Variants in TSBP1 observed in about 807,000 individuals in gnomAD.
TSBP1 encodes testis-expressed basic protein 1.
In TSBP1, 56 loss-of-function variants were observed where a neutral mutation model predicts 68.8. The observed-to-expected ratio is 0.81, with a 90% CI of 0.66 to 1.02. The LOEUF is 1.02. Among genes scored for constraint, TSBP1 ranks in the 50% least tolerant of loss-of-function variants. The pLI is 0.00. For missense variants in TSBP1, 502 were observed against 641.2 expected, an observed-to-expected ratio of 0.78 and a Z score of 2.34; for synonymous variants, 171 against 208.7, an observed-to-expected ratio of 0.82 and a Z score of 1.56.
At chr6:32,355,244 T>TAA in intron 7 of TSBP1, 100 bp from the exon 8 acceptor site, 2 of 1,240,708 alleles carry the variant, frequency 1.6e-6, no homozygotes, top group Non-Finnish European at 2.4e-6. Context: ...TCTCAGGAGT[T>TAA]AAAGTCTAGG....
intron 22 of TSBP1, among the ~76,000 whole-genome samples, chr6:32,298,114 G>A (rs1419968160): frequency 1.3e-5 from 2 of 151,962 alleles, no homozygotes; most frequent in African/African-American, 4.8e-5. Context: ...GTTCTTCTGA[G>A]TCAAGTTGAC....
Position 32,318,560 on chromosome 6 carries a change from G to C in TSBP1, c.560-2768C>G, listed in dbSNP as rs150400437. On this transcript the variant is annotated intron_variant, in intron 18 of 22. Transcript: ENST00000612031. ...CAAAGACATAATGAAATATTATTTG[G>C]CCATAAAAAGAACTGAAGTACTGCT... Among the ~76,000 whole-genome samples the C allele has an allele frequency of 6.7e-3, 1,015 of 152,208 alleles. 17 individuals carry two copies. Among genetic ancestry groups the C allele is most frequent in the East Asian group, 0.02 (103 of 5,186 alleles).
At chr6:32,351,834 C>G (rs1771749597) in intron 8 of TSBP1, among the ~76,000 whole-genome samples, 1 of 151,716 alleles carries the variant, frequency 6.6e-6, no homozygotes, top group South Asian at 2.1e-4. Flanking sequence ...AATCTCACAC[C>G]TATAAACATT....
chr6:32,302,308 A>G lies in TSBP1; in HGVS notation c.601+301T>C, dbSNP rs1765389590. On this transcript the variant is annotated intron_variant, in intron 20 of 22. Transcript: ENST00000612031. The surrounding 1 kb of genome is among the most constrained non-coding windows in gnomAD (Gnocchi z 5.1). ...TTTCTACAAAAAATAAAAAAAAGTT[A>G]GCCAAGCATGGTGGCACACATCTGT... Among the ~76,000 whole-genome samples the G allele has an allele frequency of 6.6e-6, 1 of 152,060 alleles. No individual in the cohort carries two copies. Among genetic ancestry groups the G allele is most frequent in the Admixed American group, 6.6e-5 (1 of 15,262 alleles).
intron 16 of TSBP1, chr6:32,324,789 T>A: frequency 6.9e-7 from 1 of 1,457,614 alleles, no homozygotes; most frequent in Non-Finnish European, 9.2e-7. Flanking sequence ...GAACATTTTT[T>A]TTTTTAATCA....
At chr6:32,300,696 G>A (rs1272492000) in exon 21 of TSBP1, 2 of 1,612,406 alleles carry the variant, frequency 1.2e-6, no homozygotes, top group Non-Finnish European at 1.7e-6. Flanking sequence ...TTCCAGAACT[G>A]TCCACTGAAA....
At position 32,357,151 on chromosome 6, in the gene TSBP1, G is replaced by C. The variant is rs1772445153; in HGVS notation, c.218-1482C>G. Among the ~76,000 whole-genome samples, 1 of 152,116 alleles carries C rather than the reference G, an allele frequency of 6.6e-6. No homozygotes were observed. The highest frequency in any genetic ancestry group is 6.5e-5 in the Admixed American group (1 of 15,270). On this transcript the variant is annotated intron_variant, in intron 6 of 22. Coordinates refer to ENST00000612031, the Ensembl canonical transcript of TSBP1. The surrounding 1 kb of genome is among the most constrained non-coding windows in gnomAD (Gnocchi z 4.7). ...ACTGAGATTTATAGGTTATGTTAGGGGGACTGGAAAGTCAGAGAAATAGTC... is the reference window on the plus strand; with the variant it reads ...ACTGAGATTTATAGGTTATGTTAGGCGGACTGGAAAGTCAGAGAAATAGTC...
intron 9 of TSBP1, among the ~76,000 whole-genome samples, chr6:32,344,291 C>A (rs1342404516): frequency 9.2e-6 from 1 of 108,712 alleles, no homozygotes; most frequent in Non-Finnish European, 1.7e-5. Flanking sequence ...CCACAACAGT[C>A]GATCAATGAC....
Position 32,316,943 on chromosome 6 carries a change from T to C in TSBP1, c.560-1151A>G, listed in dbSNP as rs1005232088. On this transcript the variant is annotated intron_variant, in intron 18 of 22. Transcript: ENST00000612031. The surrounding 1 kb of genome is among the most constrained non-coding windows in gnomAD (Gnocchi z 4.5). ...GATGTTCTAAAAATACAAAAAAATTTCTCCTCCCTATTCTGAGTCAGTGTG... is the reference window on the plus strand; with the variant it reads ...GATGTTCTAAAAATACAAAAAAATTCCTCCTCCCTATTCTGAGTCAGTGTG... Among the ~76,000 whole-genome samples the C allele has an allele frequency of 6.6e-6, 1 of 152,056 alleles. No homozygotes were observed. The highest frequency in any genetic ancestry group is 1.5e-5 in the Non-Finnish European group (1 of 68,004).
In TSBP1 at chr6:32,347,975, T is replaced by C. The variant is rs139055148; in HGVS notation, c.349+1765A>G. ...TACTTCTTGGTCTTGCTCTATCATA[T>C]TATCTTAATTTGTTTTCTCCGTAGA... On this transcript the variant is annotated intron_variant, in intron 9 of 22. Transcript: ENST00000612031. 1.1e-3 allele frequency among the ~76,000 whole-genome samples: 172 copies of C among 152,366 alleles called. 1 individual carries two copies. The highest frequency in any genetic ancestry group is 1.9e-3 in the Non-Finnish European group (130 of 68,038).
intron 6 of TSBP1, among the ~76,000 whole-genome samples, chr6:32,362,387 C>G (rs9268327): frequency 0.34 from 51,016 of 151,898 alleles, 9,612 homozygotes; most frequent in Middle Eastern, 0.52. Flanking sequence ...GCAGAGAGTC[C>G]CCAGTAGCAA....
chr6:32,362,299 A>AAAAAAG lies in TSBP1; in HGVS notation c.217+3867_217+3868insCTTTTT, dbSNP rs1224669308. ...GCCAGACTCCGTCTCAAAAAAAAAA[A>AAAAAAG]AAAAAAGAAGAGGAACGACCTAAGC... On this transcript the variant is annotated intron_variant, in intron 6 of 22. Transcript: ENST00000612031. 4.8e-3 allele frequency among the ~76,000 whole-genome samples: 724 copies of AAAAAAG among 150,938 alleles called. 10 individuals carry two copies. The Middle Eastern group carries it at 0.056, about 12-fold the overall frequency.
Position 32,367,911 on chromosome 6 carries a change from C to G in TSBP1, c.166+14G>C. On this transcript the variant is annotated intron_variant, in intron 4 of 22. Coordinates refer to ENST00000612031, the Ensembl canonical transcript of TSBP1. The stretch of plus-strand genomic sequence containing the variant: ...TTCCTTCATTAACTGTCTAGTAGTT[C>G]CTAATCTATTTACCTCTACCATCCT... The G allele has an allele frequency of 6.3e-7, 1 of 1,594,066 alleles. No homozygotes were observed. The highest frequency in any genetic ancestry group is 8.6e-7 in the Non-Finnish European group (1 of 1,163,384).
chr6:32,369,985 T>C lies in TSBP1; in HGVS notation c.14-2A>G. On this transcript the variant is annotated splice_acceptor_variant, in intron 1 of 22. Transcript: ENST00000612031. LOFTEE classifies it high-confidence loss of function. The stretch of plus-strand genomic sequence containing the variant: ...TCAGGATGACAGCCAAAGTTATTTC[T>C]GAAAACAAAAACTCACCTGTAAACA... 1 of 1,607,384 alleles carries C rather than the reference T, an allele frequency of 6.2e-7. No homozygotes were observed. The highest frequency in any genetic ancestry group is 8.5e-7 in the Non-Finnish European group (1 of 1,174,858).
In TSBP1 at chr6:32,302,329, T is replaced by A. The variant is rs1765392979; in HGVS notation, c.601+280A>T. ...AGTTAGCCAAGCATGGTGGCACACATCTGTAGTCCCAGCTACTCAGGAGGC... is the reference window on the plus strand; with the variant it reads ...AGTTAGCCAAGCATGGTGGCACACAACTGTAGTCCCAGCTACTCAGGAGGC... On this transcript the variant is annotated intron_variant, in intron 20 of 22. Transcript: ENST00000612031. The surrounding 1 kb of genome is among the most constrained non-coding windows in gnomAD (Gnocchi z 5.1). Among the ~76,000 whole-genome samples the A allele has an allele frequency of 6.6e-6, 1 of 151,842 alleles. No individual in the cohort carries two copies.
In TSBP1 at chr6:32,325,626, T is replaced by C. The variant is rs746949536; in HGVS notation, c.515-2012A>G. ...GGAAAAATTGAAGTGATTGAAAACATGACTGACCGAGGCAGTTGCAAGAAA... is the reference window on the plus strand; with the variant it reads ...GGAAAAATTGAAGTGATTGAAAACACGACTGACCGAGGCAGTTGCAAGAAA... On this transcript the variant is annotated intron_variant, in intron 16 of 22. Coordinates refer to ENST00000612031, the Ensembl canonical transcript of TSBP1. This position sits in a 1 kb window ranked among gnomAD's most constrained non-coding sequence, Gnocchi z 4.4. The C allele has an allele frequency of 4.9e-6, 5 of 1,021,096 alleles. No individual in the cohort carries two copies. Among genetic ancestry groups the C allele is most frequent in the Non-Finnish European group, 7.6e-6 (5 of 655,560 alleles). The allele number at this position is 1,021,096 out of a possible 1,614,324, so 63.3% of individuals were successfully genotyped here.
chr6:32,300,940 T>A (rs1458652625), intron 20 of TSBP1, among the ~76,000 whole-genome samples: 1 of 152,264 alleles, frequency 6.6e-6, no homozygotes, highest in African/African-American at 2.4e-5. Context: ...TTGTCTAGAA[T>A]GTCAAGATTA....
Position 32,306,475 on chromosome 6 carries a change from C to T in TSBP1, c.581-3846G>A, listed in dbSNP as rs1447759885. Among the ~76,000 whole-genome samples the T allele has an allele frequency of 6.6e-6, 1 of 152,118 alleles. No individual in the cohort carries two copies. Among genetic ancestry groups the T allele is most frequent in the Non-Finnish European group, 1.5e-5 (1 of 68,030 alleles). Reference sequence around the variant, plus strand: ...GTTCTCCATCTTCTCGGTTTGCTGACTCTCCAATATAATCTGCTTTTCATC... The same window carrying T: ...GTTCTCCATCTTCTCGGTTTGCTGATTCTCCAATATAATCTGCTTTTCATC... On this transcript the variant is annotated intron_variant, in intron 19 of 22. Transcript: ENST00000612031. This position sits in a 1 kb window ranked among gnomAD's most constrained non-coding sequence, Gnocchi z 5.1.
In TSBP1 at chr6:32,336,168, A is replaced by C. The variant is rs1351247676; in HGVS notation, c.431-236T>G. Among the ~76,000 whole-genome samples, 3 of 152,180 alleles carry C rather than the reference A, an allele frequency of 2.0e-5. No homozygotes were observed. Among genetic ancestry groups the C allele is most frequent in the Non-Finnish European group, 2.9e-5 (2 of 68,022 alleles). On this transcript the variant is annotated intron_variant, in intron 12 of 22. Coordinates refer to ENST00000612031, the Ensembl canonical transcript of TSBP1. The surrounding 1 kb of genome is among the most constrained non-coding windows in gnomAD (Gnocchi z 5.2). ...GGTTGAAAATCTTCAGAGGGTTGGG[A>C]AAGACTCACTCCATATTAATCTGTT...
Sources: allele counts gnomAD v4.1 joint callset (sites outside exome capture counted in the v4.1 genomes callset), GRCh38; gene constraint gnomAD v4.1.1; non-coding constraint Gnocchi (gnomAD v3.1); transcripts MANE v1.5; gene names NCBI Gene and HGNC (gene_info 2026-07-23, HGNC 2026-07-21).